STXBP5L: variants seen among roughly 807,000 people sequenced by gnomAD.
STXBP5L encodes the protein syntaxin-binding protein 5-like.
A neutral mutation model predicts 144.5 loss-of-function variants in STXBP5L; 65 were observed. The observed-to-expected ratio is 0.45, with a 90% CI of 0.37 to 0.55. The LOEUF (loss-of-function observed/expected upper bound fraction) is 0.55. Ranked by LOEUF, STXBP5L falls within the 20% of genes least tolerant of loss-of-function variation. The probability of loss-of-function intolerance (pLI) is 0.00; values close to 1 mark genes in which losing one functional copy is unlikely to be tolerated. For synonymous variants in STXBP5L, 505 were observed against 469.6 expected (o/e 1.08, Z -0.97); for missense variants, 1,298 against 1,405.5 (o/e 0.92, Z 1.22).
intron 20 of STXBP5L, among the ~76,000 whole-genome samples, chr3:121,360,794 G>A (rs920275227): frequency 2.0e-5 from 3 of 151,904 alleles, no homozygotes; most frequent in Non-Finnish European, 4.4e-5. Flanking sequence ...TCATCATTTA[G>A]TCTTTCTACT....
intron 3 of STXBP5L, among the ~76,000 whole-genome samples, chr3:121,033,537 A>G (rs1293723841): frequency 6.9e-6 from 1 of 145,442 alleles, no homozygotes; most frequent in East Asian, 2.0e-4. Flanking sequence ...TAACCTGCAC[A>G]ATGTGAACAT....
chr3:121,255,513 T>C (rs1161380423), intron 16 of STXBP5L, among the ~76,000 whole-genome samples: 1 of 152,006 alleles, frequency 6.6e-6, no homozygotes, highest in Non-Finnish European at 1.5e-5. Context: ...CTATATATTC[T>C]TCTATATATA....
At chr3:120,994,796 A>T (rs1178368429) in intron 3 of STXBP5L, among the ~76,000 whole-genome samples, 1 of 152,022 alleles carries the variant, frequency 6.6e-6, no homozygotes, top group Admixed American at 6.6e-5. Context: ...GGCCTTATAC[A>T]TTGAATTAGG....
intron 20 of STXBP5L, among the ~76,000 whole-genome samples, chr3:121,322,465 C>A (rs751707187): frequency 1.8e-5 from 2 of 111,940 alleles, no homozygotes; most frequent in East Asian, 2.7e-4. Flanking sequence ...GCAACAAGAG[C>A]GAAACTGTGC....
intron 3 of STXBP5L, among the ~76,000 whole-genome samples, chr3:120,971,378 C>G (rs1940229896): frequency 6.6e-6 from 1 of 151,926 alleles, no homozygotes; most frequent in Non-Finnish European, 1.5e-5. Context: ...CCCGCACCCC[C>G]CCCAACTCCT....
chr3:121,200,673 C>T (rs553138796), intron 9 of STXBP5L, among the ~76,000 whole-genome samples: 43 of 151,632 alleles, frequency 2.8e-4, no homozygotes, highest in Non-Finnish European at 5.0e-4. Flanking sequence ...ATTCTGGGTT[C>T]GTTGTCTCTC....
At chr3:121,369,380 T>A (rs894452676) in intron 20 of STXBP5L, among the ~76,000 whole-genome samples, 3 of 151,878 alleles carry the variant, frequency 2.0e-5, no homozygotes, top group Non-Finnish European at 4.4e-5. Context: ...TTGTTGAACA[T>A]CTCTTTTTTC....
At chr3:120,981,602 T>G (rs954673845) in intron 3 of STXBP5L, among the ~76,000 whole-genome samples, 1 of 152,192 alleles carries the variant, frequency 6.6e-6, no homozygotes, top group African/African-American at 2.4e-5. Context: ...TCTGATTACT[T>G]TGTATTGGTT....
intron 3 of STXBP5L, among the ~76,000 whole-genome samples, chr3:121,029,453 G>T (rs758022967): frequency 6.6e-6 from 1 of 152,092 alleles, no homozygotes; most frequent in African/African-American, 2.4e-5. Context: ...TTTTATAAAT[G>T]GTGTTGGGAA....
chr3:121,257,682 T>C (rs1186383380), intron 17 of STXBP5L, among the ~76,000 whole-genome samples: 1 of 152,162 alleles, frequency 6.6e-6, no homozygotes, highest in Admixed American at 6.5e-5. Context: ...CCCAACACTT[T>C]GGGAGGCTGA....
chr3:120,953,237 A>G (rs1937638628), intron 2 of STXBP5L, among the ~76,000 whole-genome samples: 1 of 152,066 alleles, frequency 6.6e-6, no homozygotes, highest in Non-Finnish European at 1.5e-5. Context: ...AGTGGGGAAA[A>G]CTACTCATTA....
intron 3 of STXBP5L, among the ~76,000 whole-genome samples, chr3:121,022,987 A>G (rs771746954): frequency 1.3e-5 from 2 of 152,014 alleles, no homozygotes; most frequent in South Asian, 2.1e-4. Flanking sequence ...TGATGATTGT[A>G]TACCTAGAAA....
chr3:120,910,655 A>T (rs1708784290), intron 2 of STXBP5L, among the ~76,000 whole-genome samples: 1 of 152,164 alleles, frequency 6.6e-6, no homozygotes, highest in Non-Finnish European at 1.5e-5. Context: ...AATTACAGAA[A>T]TTAACAATTT....
chr3:121,150,497 T>A (rs2045893882), intron 7 of STXBP5L, among the ~76,000 whole-genome samples: 1 of 152,066 alleles, frequency 6.6e-6, no homozygotes, highest in Non-Finnish European at 1.5e-5. Flanking sequence ...TAAATCATAA[T>A]CTTGTATACT....
intron 9 of STXBP5L, among the ~76,000 whole-genome samples, chr3:121,166,051 C>T (rs1428948858): frequency 6.6e-6 from 1 of 151,672 alleles, no homozygotes; most frequent in African/African-American, 2.4e-5. Flanking sequence ...CTGGCTCTGT[C>T]ACCCAGGCTG....
At chr3:121,028,627 A>T (rs1215740422) in intron 3 of STXBP5L, among the ~76,000 whole-genome samples, 3 of 152,106 alleles carry the variant, frequency 2.0e-5, no homozygotes, top group Non-Finnish European at 4.4e-5. Flanking sequence ...CAAAAATAAG[A>T]TTATCATTTT....
intron 5 of STXBP5L, among the ~76,000 whole-genome samples, chr3:121,062,405 C>T (rs553175642): frequency 6.6e-6 from 1 of 152,292 alleles, no homozygotes; most frequent in East Asian, 1.9e-4. Context: ...CCTGACCTTT[C>T]TCAGTGGCTG....
At chr3:121,149,449 C>A (rs1350542666) in intron 7 of STXBP5L, among the ~76,000 whole-genome samples, 2 of 151,910 alleles carry the variant, frequency 1.3e-5, no homozygotes, top group Non-Finnish European at 2.9e-5. Context: ...AGCCTCTCTA[C>A]TATTTTTAAT....
intron 19 of STXBP5L, among the ~76,000 whole-genome samples, chr3:121,281,482 A>G (rs919909998): frequency 6.6e-6 from 1 of 152,010 alleles, no homozygotes; most frequent in African/African-American, 2.4e-5. Flanking sequence ...GCAGTAGGCT[A>G]TTTATAATTA....
Sources: allele counts gnomAD v4.1 joint callset (sites outside exome capture counted in the v4.1 genomes callset), GRCh38; gene constraint gnomAD v4.1.1; transcripts MANE v1.5; gene names NCBI Gene and HGNC (gene_info 2026-07-23, HGNC 2026-07-21).